The following PARD3B variants were observed in gnomAD, a reference collection of about 807,000 sequenced individuals.
The protein encoded by PARD3B is par-3 family cell polarity regulator beta.
Under a neutral mutation model 130.2 loss-of-function variants are expected in PARD3B, and 103 were observed. The ratio of observed to expected loss-of-function variants is 0.79; its 90% CI spans 0.67 to 0.93. The LOEUF is 0.93. Among genes scored for constraint, PARD3B ranks in the 40% least tolerant of loss-of-function variants. The pLI, the probability that PARD3B is intolerant of heterozygous loss-of-function variation, is 0.00. For synonymous variants in PARD3B, 583 were observed against 553.2 expected, an observed-to-expected ratio of 1.05 and a Z score of -0.76; for missense variants, 1,609 against 1,499.2, an observed-to-expected ratio of 1.07 and a Z score of -1.21.
intron 18 of PARD3B, among the ~76,000 whole-genome samples, chr2:205,387,224 G>T (rs921924719): frequency 3.9e-5 from 6 of 152,030 alleles, no homozygotes; most frequent in Non-Finnish European, 8.8e-5. Context: ...TGTTTTAGAT[G>T]CAAGACATTA....
At chr2:204,895,243 T>C (rs1314985214) in intron 2 of PARD3B, among the ~76,000 whole-genome samples, 1 of 152,160 alleles carries the variant, frequency 6.6e-6, no homozygotes, top group Non-Finnish European at 1.5e-5. Flanking sequence ...AAGCTGTATA[T>C]GGTTTTTGAA....
chr2:205,163,043 A>G (rs2034600066), intron 11 of PARD3B, among the ~76,000 whole-genome samples: 1 of 152,208 alleles, frequency 6.6e-6, no homozygotes, highest in Non-Finnish European at 1.5e-5. Flanking sequence ...ATGTATACAT[A>G]ACTAGAATAG....
chr2:204,726,938 G>A (rs989032232), intron 2 of PARD3B, among the ~76,000 whole-genome samples: 1 of 152,004 alleles, frequency 6.6e-6, no homozygotes, highest in Non-Finnish European at 1.5e-5. Context: ...TTCTTTAATC[G>A]TTTTCCTTTC....
intron 10 of PARD3B, among the ~76,000 whole-genome samples, chr2:205,156,275 G>GA (rs2034141003): frequency 3.6e-5 from 5 of 138,594 alleles, no homozygotes; most frequent in South Asian, 2.8e-4. Flanking sequence ...GGTGGGCGGG[G>GA]GGGGGAGGAA....
At chr2:205,538,804 T>C (rs1198793462) in intron 21 of PARD3B, among the ~76,000 whole-genome samples, 3 of 152,214 alleles carry the variant, frequency 2.0e-5, no homozygotes, top group Admixed American at 6.5e-5. Flanking sequence ...TGTTTTGTTT[T>C]TTAACCAATA....
At chr2:205,493,607 G>A (rs376872761) in intron 20 of PARD3B, among the ~76,000 whole-genome samples, 22 of 152,016 alleles carry the variant, frequency 1.4e-4, no homozygotes, top group East Asian at 3.9e-4. Flanking sequence ...TTGTTGACAC[G>A]CATACATCCA....
At chr2:204,624,437 T>C (rs1376647503) in intron 1 of PARD3B, among the ~76,000 whole-genome samples, 4 of 152,118 alleles carry the variant, frequency 2.6e-5, no homozygotes, top group Admixed American at 2.6e-4. Context: ...AAAATAGAAA[T>C]ATGTAATGCA....
chr2:205,008,273 T>A (rs1025485158), intron 3 of PARD3B, among the ~76,000 whole-genome samples: 5 of 141,876 alleles, frequency 3.5e-5, no homozygotes, highest in Non-Finnish European at 7.6e-5. Context: ...CCACACTGTT[T>A]TACAGGCACA....
intron 1 of PARD3B, among the ~76,000 whole-genome samples, chr2:204,627,877 A>C (rs2034540123): frequency 6.6e-6 from 1 of 152,110 alleles, no homozygotes; most frequent in Non-Finnish European, 1.5e-5. Flanking sequence ...TTTGTATGTA[A>C]ATTTTATAAT....
chr2:205,269,717 A>G lies in PARD3B; in HGVS notation c.2185+23895A>G. ...TTCCTAGTAAGAAAATTCACTTGCA[A>G]AAACAAAAATTAAGATCTGAAGAGT... is the stretch of plus-strand genomic sequence containing the variant. On this transcript the variant is annotated intron_variant, in intron 16 of 22. Transcript: ENST00000406610. This position sits in a 1 kb window ranked among gnomAD's most constrained non-coding sequence, Gnocchi z 4.7. 6.6e-6 allele frequency among the ~76,000 whole-genome samples: 1 copy of G among 152,202 alleles called. No homozygotes were observed.
intron 2 of PARD3B, among the ~76,000 whole-genome samples, chr2:204,816,179 TTTCTGTCC>T (rs2043139560): frequency 6.6e-6 from 1 of 152,028 alleles, no homozygotes; most frequent in Non-Finnish European, 1.5e-5. Flanking sequence ...CATGTTTCAG[TTTCTGTCC>T]TTCTGATCAT....
chr2:205,050,726 T>TA (rs1329370652), intron 4 of PARD3B, among the ~76,000 whole-genome samples: 1 of 151,834 alleles, frequency 6.6e-6, no homozygotes, highest in Non-Finnish European at 1.5e-5. Context: ...TTTTTTTTTT[T>TA]ACATGGCTAT....
At chr2:204,584,420 G>A (rs2032728592) in intron 1 of PARD3B, among the ~76,000 whole-genome samples, 1 of 152,172 alleles carries the variant, frequency 6.6e-6, no homozygotes. Flanking sequence ...AGTATAGCTA[G>A]TAAAAACATA....
intron 10 of PARD3B, among the ~76,000 whole-genome samples, chr2:205,156,103 T>A (rs1050619253): frequency 2.0e-5 from 3 of 152,026 alleles, no homozygotes; most frequent in Non-Finnish European, 4.4e-5. Flanking sequence ...TGAGTTAATG[T>A]CCTTTGTAGG....
chr2:205,430,018 T>A (rs1402607685), intron 19 of PARD3B, among the ~76,000 whole-genome samples: 1 of 152,348 alleles, frequency 6.6e-6, no homozygotes, highest in East Asian at 1.9e-4. Context: ...TAAGAACATT[T>A]GTCATCAGAT....
intron 1 of PARD3B, among the ~76,000 whole-genome samples, chr2:204,662,803 G>T (rs1023609102): frequency 1.9e-4 from 29 of 152,024 alleles, no homozygotes; most frequent in Non-Finnish European, 4.4e-5. Context: ...AGTTTGACCC[G>T]CCATCAGTCC....
chr2:205,358,205 T>C (rs2044264850), intron 18 of PARD3B, among the ~76,000 whole-genome samples: 1 of 152,186 alleles, frequency 6.6e-6, no homozygotes, highest in South Asian at 2.1e-4. Flanking sequence ...TGCTTTCTTG[T>C]CCAATCACCG....
intron 2 of PARD3B, among the ~76,000 whole-genome samples, chr2:204,919,979 G>T (rs1416782658): frequency 2.0e-5 from 3 of 151,082 alleles, no homozygotes; most frequent in African/African-American, 4.9e-5. Flanking sequence ...AATTTCTCTT[G>T]CAGAGTCTGC....
At chr2:204,757,877 T>C (rs1179213510) in intron 2 of PARD3B, among the ~76,000 whole-genome samples, 1 of 152,124 alleles carries the variant, frequency 6.6e-6, no homozygotes, top group East Asian at 1.9e-4. Flanking sequence ...AAGTCAGAGT[T>C]GGGCATATAA....
Sources: allele counts gnomAD v4.1 joint callset (sites outside exome capture counted in the v4.1 genomes callset), GRCh38; gene constraint gnomAD v4.1.1; non-coding constraint Gnocchi (gnomAD v3.1); transcripts MANE v1.5; gene names NCBI Gene and HGNC (gene_info 2026-07-23, HGNC 2026-07-21).